The following ABCD3 variants were observed in gnomAD, a reference collection of about 807,000 sequenced individuals.
The protein encoded by ABCD3 is ATP-binding cassette sub-family D member 3.
ABCD3 carries 41 observed loss-of-function variants against 105.5 expected under a neutral mutation model. The observed-to-expected ratio is 0.39, with a 90% CI of 0.30 to 0.50. The LOEUF (loss-of-function observed/expected upper bound fraction) is 0.50, where lower values mean the gene tolerates loss of function less well. ABCD3 is among the 20% of genes least tolerant of loss of function. The pLI, the probability that ABCD3 is intolerant of heterozygous loss-of-function variation, is 0.84. For synonymous variants in ABCD3, 258 were observed against 269.0 expected (o/e 0.96, Z 0.40); for missense variants, 622 against 806.3 (o/e 0.77, Z 2.77).
chr1:94,475,305 A>C, intron 6 of ABCD3, 65 bp downstream of exon 6: 1 of 1,108,968 alleles, frequency 9.0e-7, no homozygotes, highest in Non-Finnish European at 1.3e-6. Flanking sequence ...AAGCTGATCA[A>C]TATAGCAGTT....
intron 10 of ABCD3, among the ~76,000 whole-genome samples, 175 bp downstream of exon 10, chr1:94,483,414 AAT>A (rs1278722040): frequency 1.3e-5 from 2 of 152,214 alleles, no homozygotes; most frequent in Non-Finnish European, 2.9e-5. Context: ...TTTAATAAAA[AAT>A]ATGAGATTAA....
intron 10 of ABCD3, 120 bp downstream of exon 10, chr1:94,483,359 T>G (rs1649119489): frequency 5.5e-6 from 4 of 729,098 alleles, no homozygotes; most frequent in Non-Finnish European, 9.5e-6. Context: ...ATACATATCT[T>G]AAAGATTTTT....
intron 1 of ABCD3, among the ~76,000 whole-genome samples, chr1:94,430,120 C>T (rs1353366270): frequency 6.6e-6 from 1 of 152,254 alleles, no homozygotes; most frequent in East Asian, 1.9e-4. Flanking sequence ...CTGCCAGATT[C>T]TGAACTTGTG....
intron 1 of ABCD3, among the ~76,000 whole-genome samples, chr1:94,452,949 G>A (rs1273266921): frequency 1.3e-5 from 2 of 152,026 alleles, no homozygotes; most frequent in Non-Finnish European, 2.9e-5. Flanking sequence ...TGTTGGCCAG[G>A]CTGTTCTTGA....
At chr1:94,409,500 A>C in the ABCD3 span, among the ~76,000 whole-genome samples, 3 of 152,234 alleles carry the variant, frequency 2.0e-5, no homozygotes, top group Admixed American at 6.5e-5. Flanking sequence ...GTATGAATTA[A>C]TTTAGACCCA....
At chr1:94,444,630 A>G (rs1188493521) in intron 1 of ABCD3, among the ~76,000 whole-genome samples, 1 of 152,132 alleles carries the variant, frequency 6.6e-6, no homozygotes, top group Admixed American at 6.5e-5. Flanking sequence ...TGTTACATAT[A>G]TTACTCATTT....
At chr1:94,515,274 G>GT in intron 22 of ABCD3, 72 bp downstream of exon 22, 2 of 1,286,482 alleles carry the variant, frequency 1.6e-6, no homozygotes, top group Non-Finnish European at 2.2e-6. Flanking sequence ...GGTTAATATG[G>GT]TTTTAGATTT....
At chr1:94,485,695 A>T (rs527762809) in intron 10 of ABCD3, among the ~76,000 whole-genome samples, 2 of 152,278 alleles carry the variant, frequency 1.3e-5, no homozygotes, top group Admixed American at 6.5e-5. Context: ...GTATATATAT[A>T]TTTGCAGTCA....
intron 1 of ABCD3, chr1:94,419,472 C>A: frequency 2.4e-6 from 1 of 424,140 alleles, no homozygotes; most frequent in African/African-American, 2.2e-5. Context: ...GTATGTATGT[C>A]ACATACATGC....
In ABCD3 at chr1:94,464,779, AG is replaced by A; in HGVS notation, c.156del (p.Lys54ArgfsTer18). On this transcript the variant is annotated frameshift_variant, in exon 3 of 23. Coordinates refer to ENST00000370214, the MANE Select transcript of ABCD3 (RefSeq NM_002858.4). LOFTEE classifies it high-confidence loss of function. ...GGCTTCTTTTTTTTAATGCAGAAAG[AG>A]GGGAAAAAGGAGCGAGCTGTGGTGG... ...GKPPLQNNEK[E>X]GKKERAVVDK... 6.2e-7 allele frequency: 1 copy of A among 1,612,630 alleles called. No individual in the cohort carries two copies. Among genetic ancestry groups the A allele is most frequent in the Non-Finnish European group, 8.5e-7 (1 of 1,178,994 alleles).
At chr1:94,449,641 G>A (rs1217384279) in intron 1 of ABCD3, among the ~76,000 whole-genome samples, 4 of 152,148 alleles carry the variant, frequency 2.6e-5, no homozygotes, top group Admixed American at 6.5e-5. Flanking sequence ...AAAAGTGAAC[G>A]TACTTGTTTA....
At chr1:94,516,377 A>C (rs1368672432) in intron 22 of ABCD3, among the ~76,000 whole-genome samples, 1 of 152,008 alleles carries the variant, frequency 6.6e-6, no homozygotes, top group African/African-American at 2.4e-5. Flanking sequence ...TCAATTTTTC[A>C]TGAACTGAGC....
intron 1 of ABCD3, among the ~76,000 whole-genome samples, chr1:94,442,531 TAGAC>T (rs1011842951): frequency 3.9e-5 from 6 of 152,196 alleles, no homozygotes; most frequent in African/African-American, 1.4e-4. Context: ...ATGCATATAT[TAGAC>T]AGCAGTGAAG....
intron 16 of ABCD3, among the ~76,000 whole-genome samples, chr1:94,492,425 T>C (rs1454738302): frequency 2.6e-5 from 4 of 152,204 alleles, no homozygotes; most frequent in Non-Finnish European, 5.9e-5. Flanking sequence ...ATGAAAATTG[T>C]TAGTTATGCA....
At chr1:94,420,731 C>A (rs777402293) in intron 1 of ABCD3, among the ~76,000 whole-genome samples, 30 of 152,052 alleles carry the variant, frequency 2.0e-4, no homozygotes, top group Admixed American at 1.6e-3. Flanking sequence ...TAGTCACCAC[C>A]TTTGGTATCA....
chr1:94,497,045 A>T (rs1246913271), intron 16 of ABCD3, among the ~76,000 whole-genome samples: 2 of 151,842 alleles, frequency 1.3e-5, no homozygotes, highest in Admixed American at 6.6e-5. Context: ...TTAAATCCTA[A>T]TTCACCCCTT....
At chr1:94,425,405 C>G (rs1342555630) in intron 1 of ABCD3, among the ~76,000 whole-genome samples, 1 of 152,174 alleles carries the variant, frequency 6.6e-6, no homozygotes, top group Non-Finnish European at 1.5e-5. Context: ...AAATATTCCT[C>G]TGTGTGACAA....
At chr1:94,441,141 C>T (rs1303834113) in intron 1 of ABCD3, among the ~76,000 whole-genome samples, 1 of 152,060 alleles carries the variant, frequency 6.6e-6, no homozygotes, top group Admixed American at 6.6e-5. Context: ...AATTAAAAAG[C>T]TTCTGTGTGG....
chr1:94,386,811 A>C, the ABCD3 span, among the ~76,000 whole-genome samples: 1 of 152,154 alleles, frequency 6.6e-6, no homozygotes, highest in African/African-American at 2.4e-5. Flanking sequence ...GCTGAGATTG[A>C]GCCACTGCAC....
Sources: allele counts gnomAD v4.1 joint callset (sites outside exome capture counted in the v4.1 genomes callset), GRCh38; gene constraint gnomAD v4.1.1; transcripts MANE v1.5; gene names NCBI Gene and HGNC (gene_info 2026-07-23, HGNC 2026-07-21).